The following ZNRF3 variants were observed in gnomAD, a reference collection of about 807,000 sequenced individuals.
ZNRF3 encodes zinc and ring finger 3, also known as E3 ubiquitin-protein ligase ZNRF3.
Under a neutral mutation model 72.5 loss-of-function variants are expected in ZNRF3, and 23 were observed. The observed-to-expected ratio is 0.32, with a 90% CI of 0.23 to 0.45. The LOEUF (loss-of-function observed/expected upper bound fraction) is 0.45, where lower values mean the gene tolerates loss of function less well. Ranked by LOEUF, ZNRF3 falls within the 20% of genes least tolerant of loss-of-function variation. ZNRF3 has a pLI of 1.00. For synonymous variants in ZNRF3, 610 were observed against 545.3 expected (o/e 1.12, Z -1.65); for missense variants, 1,169 against 1,272.1 (o/e 0.92, Z 1.23).
intron 1 of ZNRF3, among the ~76,000 whole-genome samples, chr22:28,951,255 C>T (rs1323717307): frequency 1.3e-5 from 2 of 152,146 alleles, no homozygotes; most frequent in Non-Finnish European, 2.9e-5. Flanking sequence ...ATGTTGAAAC[C>T]CTAACTCCCA....
In ZNRF3 at chr22:28,965,975, A is replaced by G. The variant is rs541733110; in HGVS notation, c.301-21101A>G. Among the ~76,000 whole-genome samples, 9 of 152,264 alleles carry G rather than the reference A, an allele frequency of 5.9e-5. No individual in the cohort carries two copies. The East Asian group carries it at 1.7e-3, about 29-fold the overall frequency. ...ATTTGATGTATTGTTACTGTTTTAT[A>G]CCTCAACCCCTTGATTTCTTGAAAC... On this transcript the variant is annotated intron_variant, in intron 1 of 8. Transcript: ENST00000544604.
chr22:28,933,905 C>G (rs746069275), intron 1 of ZNRF3, among the ~76,000 whole-genome samples: 8 of 151,312 alleles, frequency 5.3e-5, no homozygotes, highest in Non-Finnish European at 1.2e-4. Flanking sequence ...TAGAGTTGCT[C>G]GGTGGAGATG....
chr22:28,948,630 T>G (rs1035926741), intron 1 of ZNRF3, among the ~76,000 whole-genome samples: 3 of 152,204 alleles, frequency 2.0e-5, no homozygotes, highest in Non-Finnish European at 2.9e-5. Context: ...ACTAAGAAAA[T>G]CTAGCCTTAC....
chr22:28,984,477 C>T (rs1013076735), intron 1 of ZNRF3, among the ~76,000 whole-genome samples: 1 of 152,184 alleles, frequency 6.6e-6, no homozygotes, highest in African/African-American at 2.4e-5. Context: ...CCAGATGATA[C>T]CTATGCTCCT....
chr22:29,046,594 A>ACT, intron 5 of ZNRF3, 122 bp from the exon 6 acceptor site: 1 of 1,132,820 alleles, frequency 8.8e-7, no homozygotes, highest in Non-Finnish European at 1.2e-6. Context: ...ACTTCTCAGA[A>ACT]GTCTGTTCCG....
chr22:29,031,103 T>C (rs914233018), intron 2 of ZNRF3: 4 of 152,432 alleles, frequency 2.6e-5, no homozygotes, highest in African/African-American at 9.7e-5. Context: ...GTTGGTCTCC[T>C]GTAGGCCGTA....
At chr22:28,981,655 T>C (rs1296087869) in intron 1 of ZNRF3, among the ~76,000 whole-genome samples, 3 of 152,240 alleles carry the variant, frequency 2.0e-5, no homozygotes, top group African/African-American at 7.2e-5. Context: ...CATGCGGGGA[T>C]ATTCTCAGCA....
chr22:29,002,289 A>G (rs888045873), intron 2 of ZNRF3, among the ~76,000 whole-genome samples: 2 of 152,226 alleles, frequency 1.3e-5, no homozygotes, highest in Non-Finnish European at 2.9e-5. Context: ...TTACAATTCC[A>G]GAAAGTATCC....
intron 1 of ZNRF3, among the ~76,000 whole-genome samples, chr22:28,980,201 C>T (rs1437332312): frequency 6.7e-6 from 1 of 149,172 alleles, no homozygotes; most frequent in Non-Finnish European, 1.5e-5. Context: ...GAAGTACAGG[C>T]ATTGGAGACT....
At position 29,050,801 on chromosome 22, in the gene ZNRF3, C is replaced by G. The variant is rs747893029; in HGVS notation, c.2620C>G (p.Arg874Gly). 6.2e-7 allele frequency: 1 copy of G among 1,608,078 alleles called. No homozygotes were observed. Among genetic ancestry groups the G allele is most frequent in the East Asian group, 2.2e-5 (1 of 44,620 alleles). ...GCCCCACAGGGGCCTGGGAGCAACC[C>G]GGGAAGAGGAGCGGGCTCTGTGCTG... is the stretch of plus-strand genomic sequence containing the variant. ...PRPHRGLGAT[R>G]EEERALCCQA... is the part of the protein sequence containing the mutation. The change falls in exon 8 of 9, where the codon CGG becomes GGG. Residue 874 changes from arginine to glycine, a missense_variant. Physicochemically the swap from Arg to Gly is moderately radical, Grantham distance 125. Coordinates refer to ENST00000544604, the MANE Select transcript of ZNRF3 (RefSeq NM_001206998.2).
chr22:29,039,784 C>CAAAAA (rs397976678), intron 2 of ZNRF3, among the ~76,000 whole-genome samples: 66 of 85,310 alleles, frequency 7.7e-4, no homozygotes, highest in African/African-American at 2.8e-3. Context: ...TCGTCTCTAC[C>CAAAAA]AAAAAAAAAA....
At chr22:28,978,456 C>T (rs1032311411) in intron 1 of ZNRF3, among the ~76,000 whole-genome samples, 11 of 152,178 alleles carry the variant, frequency 7.2e-5, no homozygotes, top group Admixed American at 3.3e-4. Flanking sequence ...CCGTCTCAGA[C>T]GAAGTCTCCC....
intron 2 of ZNRF3, among the ~76,000 whole-genome samples, chr22:29,013,883 G>A (rs1466587159): frequency 1.3e-5 from 2 of 152,198 alleles, no homozygotes; most frequent in Admixed American, 6.5e-5. Context: ...CACTGGATGG[G>A]GCAGGCGTGG....
intron 2 of ZNRF3, among the ~76,000 whole-genome samples, chr22:29,003,006 T>C (rs1351507183): frequency 1.3e-5 from 2 of 152,236 alleles, no homozygotes; most frequent in African/African-American, 4.8e-5. Context: ...TTGGGTCTTT[T>C]CTATCACATG....
chr22:28,949,918 A>G (rs1454784315), intron 1 of ZNRF3, among the ~76,000 whole-genome samples: 2 of 152,210 alleles, frequency 1.3e-5, no homozygotes, highest in African/African-American at 4.8e-5. Flanking sequence ...TTTGGTATGC[A>G]GCAGAAGTGC....
Position 28,947,930 on chromosome 22 carries a change from C to T in ZNRF3, c.301-39146C>T, listed in dbSNP as rs189840974. Among the ~76,000 whole-genome samples the T allele has an allele frequency of 2.1e-4, 32 of 152,060 alleles. No homozygotes were observed. In the East Asian group the frequency reaches 4.5e-3, roughly 21 times the overall value. On this transcript the variant is annotated intron_variant, in intron 1 of 8. Coordinates refer to ENST00000544604, the MANE Select transcript of ZNRF3 (RefSeq NM_001206998.2). ...CGTGATCTCGACTCACTGCAATCTC[C>T]GCCTCCTGGGTCCAAGTGATTCTCC...
chr22:29,035,962 C>A (rs1009100918), intron 2 of ZNRF3, among the ~76,000 whole-genome samples: 1 of 152,132 alleles, frequency 6.6e-6, no homozygotes, highest in Non-Finnish European at 1.5e-5. Flanking sequence ...CCTCCTCAGC[C>A]TCCCAAGTAG....
In ZNRF3 at chr22:29,056,491, C is replaced by A. The variant is rs566492534; in HGVS notation, c.*2869C>A. On this transcript the variant is annotated 3_prime_UTR_variant, in exon 9 of 9. Transcript: ENST00000544604. Reference sequence around the variant, plus strand: ...AATAACCGATGGTCTTATTTTGTCACACGTAAATCAAAAGAAATGTCCTCT... The same window carrying A: ...AATAACCGATGGTCTTATTTTGTCAAACGTAAATCAAAAGAAATGTCCTCT... 6.6e-6 allele frequency: 1 copy of A among 152,328 alleles called. No individual in the cohort carries two copies. The highest frequency in any genetic ancestry group is 1.9e-4 in the East Asian group (1 of 5,188). The allele number at this position is 152,328 out of a possible 1,614,324, so 9.4% of individuals were successfully genotyped here.
intron 2 of ZNRF3, among the ~76,000 whole-genome samples, chr22:28,998,794 A>C (rs890786129): frequency 1.3e-5 from 2 of 152,208 alleles, no homozygotes; most frequent in African/African-American, 4.8e-5. Context: ...GGGAGGCTTA[A>C]GAGAGTTTTG....
Sources: gnomAD v4.1 joint callset for allele counts (sites outside exome capture counted in the v4.1 genomes callset) on GRCh38, gnomAD v4.1.1 for gene constraint, MANE v1.5 for transcripts, NCBI Gene and HGNC (gene_info 2026-07-23, HGNC 2026-07-21) for gene names.